The following B4GALT5 variants were observed in gnomAD, a reference collection of about 807,000 sequenced individuals.
B4GALT5 encodes the protein beta-1,4-galactosyltransferase 5, also known as UDP-Gal:beta-GlcNAc beta-1,4-galactosyltransferase 5.
A neutral mutation model predicts 45.0 loss-of-function variants in B4GALT5; 11 were observed. The observed-to-expected ratio is 0.24, with a 90% confidence interval of 0.15 to 0.40. The LOEUF is 0.40. Among genes scored for constraint, B4GALT5 ranks in the 10% least tolerant of loss-of-function variants. The probability of loss-of-function intolerance (pLI) is 1.00; values close to 1 mark genes in which losing one functional copy is unlikely to be tolerated. For synonymous variants in B4GALT5, 185 were observed against 182.9 expected, an observed-to-expected ratio of 1.01 and a Z score of -0.09; for missense variants, 337 against 500.2, an observed-to-expected ratio of 0.67 and a Z score of 3.11.
At chr20:49,636,590 C>T (rs917401088) in intron 8 of B4GALT5, 131 bp from the exon 9 acceptor site, 23 of 1,011,738 alleles carry the variant, frequency 2.3e-5, no homozygotes, top group South Asian at 4.9e-5. Context: ...ACAAGGTGGG[C>T]GCACGGCCAA....
intron 2 of B4GALT5, among the ~76,000 whole-genome samples, chr20:49,655,361 G>A (rs1033689871): frequency 6.6e-5 from 10 of 151,826 alleles, no homozygotes; most frequent in Non-Finnish European, 1.3e-4. Context: ...AACCCGGGAG[G>A]TGGAGGTTAC....
intron 1 of B4GALT5, among the ~76,000 whole-genome samples, chr20:49,710,868 AT>A (rs1353236034): frequency 6.6e-6 from 1 of 152,108 alleles, no homozygotes; most frequent in Non-Finnish European, 1.5e-5. Context: ...CATTCTAAAA[AT>A]TTAAGTTCAA....
chr20:49,650,795 T>TG (rs2085619228), intron 2 of B4GALT5, among the ~76,000 whole-genome samples: 1 of 152,190 alleles, frequency 6.6e-6, no homozygotes, highest in African/African-American at 2.4e-5. Context: ...CAGCAACGGG[T>TG]GGGGTTATAC....
At chr20:49,666,296 T>C (rs999343994) in intron 1 of B4GALT5, among the ~76,000 whole-genome samples, 2 of 151,690 alleles carry the variant, frequency 1.3e-5, no homozygotes, top group African/African-American at 4.9e-5. Context: ...GCATGTAGAG[T>C]GGAGGGAAAA....
intron 1 of B4GALT5, among the ~76,000 whole-genome samples, chr20:49,680,275 G>A (rs1301357826): frequency 2.0e-5 from 3 of 152,096 alleles, no homozygotes; most frequent in Non-Finnish European, 4.4e-5. Flanking sequence ...TGAGTGTTTT[G>A]GAACATAAGG....
At chr20:49,659,811 T>C (rs1310340413) in intron 1 of B4GALT5, among the ~76,000 whole-genome samples, 1 of 150,588 alleles carries the variant, frequency 6.6e-6, no homozygotes, top group East Asian at 1.9e-4. Context: ...TTTTTTCTTT[T>C]TTTCTTTTTT....
chr20:49,712,293 G>A (rs1226459943), intron 1 of B4GALT5, among the ~76,000 whole-genome samples: 1 of 152,184 alleles, frequency 6.6e-6, no homozygotes, highest in Non-Finnish European at 1.5e-5. Context: ...ATTTTACAGA[G>A]GAGAAATGCA....
chr20:49,640,851 A>G (rs1012823221), intron 5 of B4GALT5, among the ~76,000 whole-genome samples, 186 bp from the exon 6 acceptor site: 8 of 152,080 alleles, frequency 5.3e-5, no homozygotes, highest in African/African-American at 1.7e-4. Flanking sequence ...GCATGGGCAC[A>G]GTGGCTCACG....
At chr20:49,695,335 G>C (rs193051581) in intron 1 of B4GALT5, among the ~76,000 whole-genome samples, 193 of 152,030 alleles carry the variant, frequency 1.3e-3, no homozygotes, top group African/African-American at 4.5e-3. Context: ...TGCCAAAAAG[G>C]TTGGAGACCA....
intron 2 of B4GALT5, among the ~76,000 whole-genome samples, chr20:49,647,482 T>C (rs1195107397): frequency 2.0e-5 from 3 of 152,198 alleles, no homozygotes; most frequent in Non-Finnish European, 4.4e-5. Context: ...GTGATGTTTC[T>C]GTTTTCAGTC....
At chr20:49,694,658 AGGAAAGGGAAAGGGAAAG>A (rs141210680) in intron 1 of B4GALT5, among the ~76,000 whole-genome samples, 69,060 of 142,830 alleles carry the variant, frequency 0.48, 17,130 homozygotes, top group South Asian at 0.66. Flanking sequence ...GAAAGGGAAA[AGGAAAGGGAAAGGGAAAG>A]GGAAAGGGAA....
intron 1 of B4GALT5, 32 bp downstream of exon 1, chr20:49,713,544 G>A (rs1568739396): frequency 6.5e-7 from 1 of 1,544,666 alleles, no homozygotes; most frequent in South Asian, 1.2e-5. Context: ...GGCCAGAGCG[G>A]CAGCCGCCGC....
At chr20:49,708,949 G>T (rs6063424) in intron 1 of B4GALT5, among the ~76,000 whole-genome samples, 76,203 of 147,886 alleles carry the variant, frequency 0.52, 19,683 homozygotes, top group South Asian at 0.66. Flanking sequence ...AAAAAAAAAA[G>T]TCATCAATGC....
intron 1 of B4GALT5, among the ~76,000 whole-genome samples, chr20:49,685,693 C>T (rs1320291256): frequency 6.6e-6 from 1 of 152,114 alleles, no homozygotes; most frequent in East Asian, 1.9e-4. Context: ...TCAGAAGAGG[C>T]ATATCCAGAC....
rs547990358 is a variant in B4GALT5, at chr20:49,702,506, A to G, written c.115+11070T>C. ...TGAAAAGACAACCCACAGAATAGAA[A>G]ATATTTGTAAATCATGTATCTGATA... On this transcript the variant is annotated intron_variant, in intron 1 of 8. Transcript: ENST00000371711. Among the ~76,000 whole-genome samples, 64 of 152,314 alleles carry G rather than the reference A, an allele frequency of 4.2e-4. No individual in the cohort carries two copies. The Middle Eastern group carries it at 0.01, about 24-fold the overall frequency.
At chr20:49,667,745 A>G (rs1032758764) in intron 1 of B4GALT5, among the ~76,000 whole-genome samples, 5 of 152,180 alleles carry the variant, frequency 3.3e-5, no homozygotes, top group Non-Finnish European at 7.4e-5. Context: ...AACATGTCAT[A>G]TATTTCAGGC....
chr20:49,638,269 A>G (rs1279778994), intron 7 of B4GALT5, among the ~76,000 whole-genome samples: 1 of 152,116 alleles, frequency 6.6e-6, no homozygotes, highest in Admixed American at 6.6e-5. Flanking sequence ...CCTCAAGCCT[A>G]GGCCTTGTGA....
intron 2 of B4GALT5, among the ~76,000 whole-genome samples, chr20:49,652,946 T>C (rs1959478777): frequency 6.6e-6 from 1 of 152,186 alleles, no homozygotes; most frequent in Non-Finnish European, 1.5e-5. Flanking sequence ...CATTTGGCTG[T>C]CTCAGCAGTG....
At chr20:49,711,535 C>T (rs1271056374) in intron 1 of B4GALT5, among the ~76,000 whole-genome samples, 2 of 152,160 alleles carry the variant, frequency 1.3e-5, no homozygotes, top group African/African-American at 2.4e-5. Context: ...TCTAAGACTG[C>T]CTCTAGGTCC....
Sources: gnomAD v4.1 joint callset for allele counts (sites outside exome capture counted in the v4.1 genomes callset) on GRCh38, gnomAD v4.1.1 for gene constraint, MANE v1.5 for transcripts, NCBI Gene and HGNC (gene_info 2026-07-23, HGNC 2026-07-21) for gene names.